Variants in ANKS1A observed in about 807,000 individuals in gnomAD.
ANKS1A encodes the protein ankyrin repeat and sterile alpha motif domain containing 1A.
A neutral mutation model predicts 120.3 loss-of-function variants in ANKS1A; 55 were observed. The observed-to-expected ratio is 0.46, with a 90% CI of 0.37 to 0.57. ANKS1A has a LOEUF of 0.57. ANKS1A is among the 20% of genes least tolerant of loss of function. The pLI is 0.00. For synonymous variants in ANKS1A, 590 were observed against 604.7 expected, an observed-to-expected ratio of 0.98 and a Z score of 0.36; for missense variants, 1,123 against 1,480.3, an observed-to-expected ratio of 0.76 and a Z score of 3.96.
intron 1 of ANKS1A, among the ~76,000 whole-genome samples, chr6:34,915,771 TACTTCCATTTTG>T (rs1002908768): frequency 1.3e-5 from 2 of 152,206 alleles, no homozygotes; most frequent in African/African-American, 4.8e-5. Flanking sequence ...AGGCTTGCTG[TACTTCCATTTTG>T]AGGTGGACCA....
intron 12 of ANKS1A, among the ~76,000 whole-genome samples, chr6:35,055,751 C>G (rs546656503): frequency 6.6e-6 from 1 of 152,212 alleles, no homozygotes; most frequent in Non-Finnish European, 1.5e-5. Context: ...GAGCCACCAT[C>G]GCTCCAGCAG....
At chr6:35,064,920 A>G (rs1776692443) in intron 13 of ANKS1A, among the ~76,000 whole-genome samples, 1 of 152,260 alleles carries the variant, frequency 6.6e-6, no homozygotes, top group Non-Finnish European at 1.5e-5. Context: ...TGGAAAGGAA[A>G]GGAATCCTCT....
rs534714849 is a variant in ANKS1A, at chr6:35,085,656, C to G, written c.3133-110C>G. On this transcript the variant is annotated intron_variant, in intron 21 of 23. Coordinates refer to ENST00000360359, the MANE Select transcript of ANKS1A (RefSeq NM_015245.3). This position sits in a 1 kb window ranked among gnomAD's most constrained non-coding sequence, Gnocchi z 4.7. Reference sequence around the variant, plus strand: ...AGGGAAGAGTGGAAGGAGGTAGGAGCGCTCCCGGGTAGACTTAGAGGGGGA... The same window carrying G: ...AGGGAAGAGTGGAAGGAGGTAGGAGGGCTCCCGGGTAGACTTAGAGGGGGA... The G allele has an allele frequency of 5.4e-6, 6 of 1,116,222 alleles. No homozygotes were observed. The highest frequency in any genetic ancestry group is 3.1e-5 in the Admixed American group (1 of 32,138). The allele number at this position is 1,116,222 out of a possible 1,614,324, so 69.1% of individuals were successfully genotyped here.
At chr6:34,903,486 G>A (rs1404454957) in intron 1 of ANKS1A, among the ~76,000 whole-genome samples, 2 of 151,042 alleles carry the variant, frequency 1.3e-5, no homozygotes, top group Non-Finnish European at 3.0e-5. Flanking sequence ...CACCAAGTTT[G>A]CCTAATTTTG....
rs563064961 is a variant in ANKS1A at position 35,027,944 on chromosome 6, C to A, written c.2010+9885C>A. On this transcript the variant is annotated intron_variant, in intron 11 of 23. Coordinates refer to ENST00000360359, the MANE Select transcript of ANKS1A (RefSeq NM_015245.3). ...CAAGCTCTAATGACCCAGTCTCTGG[C>A]GCCACAGGGCCCACCTGTCCATAAC... Among the ~76,000 whole-genome samples, 4 of 150,060 alleles carry A rather than the reference C, an allele frequency of 2.7e-5. No individual in the cohort carries two copies. In the East Asian group the frequency reaches 8.0e-4, roughly 30 times the overall value.
rs748036942 is a variant in ANKS1A, at chr6:35,083,104, CT to C, written c.2836-50del. 70 of 1,607,626 alleles carry C rather than the reference CT, an allele frequency of 4.4e-5. No individual in the cohort carries two copies. The African/African-American group carries it at 7.2e-4, about 17-fold the overall frequency. The stretch of plus-strand genomic sequence containing the variant: ...CAGTCCCAAATTGGTTGGGTCACCC[CT>C]GCATGGAAACGCAGGATTTCCTAAG... On this transcript the variant is annotated intron_variant, in intron 18 of 23. Transcript: ENST00000360359.
intron 11 of ANKS1A, among the ~76,000 whole-genome samples, chr6:35,024,652 T>A (rs530280316): frequency 6.6e-6 from 1 of 152,190 alleles, no homozygotes. Flanking sequence ...CTTGAATCCT[T>A]TTCCTGAGAA....
chr6:35,049,514 G>A (rs1444860179), intron 11 of ANKS1A, among the ~76,000 whole-genome samples: 1 of 152,224 alleles, frequency 6.6e-6, no homozygotes, highest in Non-Finnish European at 1.5e-5. Context: ...GGTCATCAGT[G>A]CCGAGTGGAA....
chr6:34,979,190 C>T (rs1057350310), intron 3 of ANKS1A, among the ~76,000 whole-genome samples: 5 of 152,082 alleles, frequency 3.3e-5, no homozygotes, highest in African/African-American at 4.8e-5. Flanking sequence ...CCACCGTGCC[C>T]GGCCCCTACT....
chr6:34,955,395 C>T (rs549108295), intron 1 of ANKS1A, among the ~76,000 whole-genome samples: 2 of 152,322 alleles, frequency 1.3e-5, no homozygotes, highest in Non-Finnish European at 1.5e-5. Context: ...CCTCAGCCTC[C>T]CAAAGTGCTG....
At chr6:35,025,601 G>A (rs1774584755) in intron 11 of ANKS1A, among the ~76,000 whole-genome samples, 2 of 151,928 alleles carry the variant, frequency 1.3e-5, no homozygotes, top group Admixed American at 1.3e-4. Flanking sequence ...TTACTCATCT[G>A]TTTCCCTCTT....
intron 14 of ANKS1A, 74 bp downstream of exon 14, chr6:35,078,730 A>C: frequency 7.1e-7 from 1 of 1,411,064 alleles, no homozygotes; most frequent in South Asian, 1.2e-5. Context: ...CTGCACCAAG[A>C]ACAGGGGAGG....
chr6:35,016,493 T>C (rs1561914314), intron 10 of ANKS1A, among the ~76,000 whole-genome samples: 1 of 152,184 alleles, frequency 6.6e-6, no homozygotes, highest in African/African-American at 2.4e-5. Flanking sequence ...GGAAAGCCCC[T>C]GGGTGTGCCA....
At chr6:34,989,143 A>T in intron 8 of ANKS1A, 81 bp from the exon 9 acceptor site, 2 of 1,317,374 alleles carry the variant, frequency 1.5e-6, no homozygotes, top group African/African-American at 1.5e-5. Context: ...TTTCATTTCT[A>T]AGGGCTAAGA....
chr6:35,023,660 A>G (rs1561920992), intron 11 of ANKS1A: 1 of 447,614 alleles, frequency 2.2e-6, no homozygotes. Context: ...CAGCAGTGGT[A>G]GCTGTTGGAT....
rs1249246429 is a variant in ANKS1A, at chr6:35,090,010, C to T, written c.*1401C>T. ...TATGTGCAGGGAGTACTGTTAGGCA[C>T]ATTCTTAACCCATGTGGTTGGCCAG... On this transcript the variant is annotated 3_prime_UTR_variant, in exon 24 of 24. Transcript: ENST00000360359. 11 of 1,205,722 alleles carry T rather than the reference C, an allele frequency of 9.1e-6. No homozygotes were observed. The highest frequency in any genetic ancestry group is 1.2e-5 in the Non-Finnish European group (11 of 948,402). The allele number at this position is 1,205,722 out of a possible 1,614,324, so 74.7% of individuals were successfully genotyped here. A position where few individuals can be genotyped will look rare whatever the true frequency, so the allele number is the denominator to read the frequency against.
chr6:34,949,321 G>A (rs995405222), intron 1 of ANKS1A, among the ~76,000 whole-genome samples: 1 of 152,178 alleles, frequency 6.6e-6, no homozygotes, highest in African/African-American at 2.4e-5. Context: ...GGAGGGTGAT[G>A]GAGCCAGAAG....
intron 2 of ANKS1A, among the ~76,000 whole-genome samples, chr6:34,967,734 G>A (rs1383877251): frequency 6.6e-6 from 1 of 151,828 alleles, no homozygotes; most frequent in Non-Finnish European, 1.5e-5. Context: ...CTAAGCGGTG[G>A]CACTGAGAAA....
intron 1 of ANKS1A, among the ~76,000 whole-genome samples, chr6:34,908,929 G>T (rs1376380231): frequency 2.0e-5 from 3 of 151,904 alleles, no homozygotes; most frequent in Non-Finnish European, 4.4e-5. Context: ...TAGAAATATG[G>T]CTAAAAATTA....
Sources: gnomAD v4.1 joint callset for allele counts (sites outside exome capture counted in the v4.1 genomes callset) on GRCh38, gnomAD v4.1.1 for gene constraint, Gnocchi (gnomAD v3.1) non-coding constraint, MANE v1.5 for transcripts, NCBI Gene and HGNC (gene_info 2026-07-23, HGNC 2026-07-21) for gene names.